LAX1: variants seen among roughly 807,000 people sequenced by gnomAD.
LAX1 encodes lymphocyte transmembrane adaptor 1.
LAX1 carries 17 observed loss-of-function variants against 20.7 expected under a neutral mutation model. The observed-to-expected ratio is 0.82, with a 90% CI of 0.56 to 1.23. LAX1 has a LOEUF of 1.23. Among genes scored for constraint, LAX1 ranks in the 50% most tolerant of loss-of-function variants. The pLI, the probability that LAX1 is intolerant of heterozygous loss-of-function variation, is 0.00. For missense variants in LAX1, 470 were observed against 487.0 expected, an observed-to-expected ratio of 0.97 and a Z score of 0.33; for synonymous variants, 165 against 181.0, an observed-to-expected ratio of 0.91 and a Z score of 0.71.
At chr1:203,767,543 G>A (rs1012609637) in intron 1 of LAX1, among the ~76,000 whole-genome samples, 1 of 151,330 alleles carries the variant, frequency 6.6e-6, no homozygotes, top group Non-Finnish European at 1.5e-5. Context: ...CCTTACCTCA[G>A]GTGATCCGCC....
At position 203,774,263 on chromosome 1, in the gene LAX1, GTTC is replaced by G; in HGVS notation, c.784_786del (p.Ser262del). 6.2e-7 allele frequency: 1 copy of G among 1,614,208 alleles called. No individual in the cohort carries two copies. The highest frequency in any genetic ancestry group is 8.5e-7 in the Non-Finnish European group (1 of 1,180,044). On this transcript the variant is annotated inframe_deletion, in exon 5 of 5. Coordinates refer to ENST00000442561, the MANE Select transcript of LAX1 (RefSeq NM_017773.4). ...AGTGATTCACTCAGCAATGGAGAAG[GTTC>G]TTCTCAGATCTCAAATGACTATGTC...
In LAX1 at chr1:203,765,547, C is replaced by A; in HGVS notation, c.-19C>A. The A allele has an allele frequency of 6.2e-7, 1 of 1,614,094 alleles. No homozygotes were observed. The highest frequency in any genetic ancestry group is 8.5e-7 in the Non-Finnish European group (1 of 1,180,012). On this transcript the variant is annotated 5_prime_UTR_variant, in exon 1 of 5. Transcript: ENST00000442561. ...CTTAGAAGCTGAAGCCAGAGAGCAT[C>A]TCAAAGGTTCCTGATACAATGGATG...
intron 1 of LAX1, among the ~76,000 whole-genome samples, chr1:203,770,506 G>A (rs866269991): frequency 0.28 from 6,342 of 22,806 alleles, 1,093 homozygotes; most frequent in East Asian, 0.75. Flanking sequence ...AGGAAGGAAG[G>A]AAGGAAGAAA....
chr1:203,769,051 T>C (rs1335580029), intron 1 of LAX1, among the ~76,000 whole-genome samples: 5 of 152,102 alleles, frequency 3.3e-5, no homozygotes, highest in Non-Finnish European at 5.9e-5. Flanking sequence ...AGCTCTGTTT[T>C]GGTTTGAGCT....
rs57094739 is a variant in LAX1, at chr1:203,775,399, A to AC, written c.*718_*719insC. 0.44 allele frequency: 67,294 copies of AC among 151,760 alleles called. 15,552 individuals are homozygous for AC. Among genetic ancestry groups the AC allele is most frequent in the East Asian group, 0.86 (4,440 of 5,154 alleles). 9.4% of individuals were successfully genotyped at this position (151,760 alleles called of 1,614,324 possible). A position where few individuals can be genotyped will look rare whatever the true frequency, so the allele number is the denominator to read the frequency against. ...CAGAGCGAGACTCCCTCTCAAAAAA[A>AC]AAAACAAACAAAAAAGAAGTGTGGG... On this transcript the variant is annotated 3_prime_UTR_variant, in exon 5 of 5. Coordinates refer to ENST00000442561, the MANE Select transcript of LAX1 (RefSeq NM_017773.4).
rs1426621008 is a variant in LAX1 at position 203,769,778 on chromosome 1, G to GGT, written c.90-1049_90-1048insTG. On this transcript the variant is annotated intron_variant, in intron 1 of 4. Coordinates refer to ENST00000442561, the MANE Select transcript of LAX1 (RefSeq NM_017773.4). Reference sequence around the variant, plus strand: ...ACCAGCTCCACAAATTGGTGCGGGGGGGGGGGCGGCGGGGGGTGGGGGGTG... The same window carrying GGT: ...ACCAGCTCCACAAATTGGTGCGGGGGGTGGGGGGCGGCGGGGGGTGGGGGGTG... 7 of 144,658 alleles carry GGT rather than the reference G, an allele frequency of 4.8e-5. 1 individual carries two copies. The highest frequency in any genetic ancestry group is 1.0e-4 in the Non-Finnish European group (7 of 67,548). 9.0% of individuals were successfully genotyped at this position (144,658 alleles called of 1,614,324 possible). A position where few individuals can be genotyped will look rare whatever the true frequency, so the allele number is the denominator to read the frequency against.
At position 203,770,816 on chromosome 1, in the gene LAX1, T is replaced by C. The variant is rs1667409053; in HGVS notation, c.90-12T>C. 1 of 1,603,822 alleles carries C rather than the reference T, an allele frequency of 6.2e-7. No individual in the cohort carries two copies. The highest frequency in any genetic ancestry group is 1.1e-5 in the South Asian group (1 of 90,864). On this transcript the variant is annotated splice_polypyrimidine_tract_variant and intron_variant, in intron 1 of 4. Transcript: ENST00000442561. ...CCTACAGCTAGCACATGTCATTCGA[T>C]TGTTTTTCTAGAAATAAAGACCAGA...
At chr1:203,769,379 G>A (rs951254191) in intron 1 of LAX1, among the ~76,000 whole-genome samples, 2 of 138,506 alleles carry the variant, frequency 1.4e-5, no homozygotes, top group African/African-American at 2.8e-5. Context: ...GCGACACAGC[G>A]AGACTCTGTC....
At position 203,765,585 on chromosome 1, in the gene LAX1, C is replaced by A. The variant is rs1307162342; in HGVS notation, c.20C>A (p.Thr7Asn). ...GATACAATGGATGGTGTCACTCCAA[C>A]CCTTTCGACAATCAGAGGGAGGACC... The part of the protein sequence containing the change: MDGVTP[T>N]LSTIRGRTLE... Residue 7 changes from threonine to asparagine, a missense_variant, in exon 1 of 5, where the codon ACC becomes AAC. Physicochemically the swap from Thr to Asn is moderately conservative, Grantham distance 65. Transcript: ENST00000442561. 6.2e-7 allele frequency: 1 copy of A among 1,614,202 alleles called. No homozygotes were observed. Among genetic ancestry groups the A allele is most frequent in the Admixed American group, 1.7e-5 (1 of 60,022 alleles).
At chr1:203,773,460 C>T (rs1364210630) in intron 4 of LAX1, among the ~76,000 whole-genome samples, 5 of 151,864 alleles carry the variant, frequency 3.3e-5, no homozygotes, top group African/African-American at 4.8e-5. Context: ...TTCTCAAAAA[C>T]AAAAATAAAA....
intron 1 of LAX1, 103 bp downstream of exon 1, chr1:203,765,757 C>A: frequency 1.9e-6 from 2 of 1,068,048 alleles, no homozygotes; most frequent in Non-Finnish European, 2.8e-6. Flanking sequence ...CACCTCTCAA[C>A]ACCCAGGCTC....
chr1:203,769,433 G>GA (rs748060977), intron 1 of LAX1, among the ~76,000 whole-genome samples: 1 of 100,178 alleles, frequency 1.0e-5, no homozygotes, highest in South Asian at 3.4e-4. Context: ...AAGAAAGAAA[G>GA]AAAGAAAGAA....
At chr1:203,765,679 C>T in intron 1 of LAX1, 25 bp downstream of exon 1, 4 of 1,610,930 alleles carry the variant, frequency 2.5e-6, no homozygotes, top group Non-Finnish European at 3.4e-6. Flanking sequence ...GTGGTGAGCT[C>T]CACCCTGCCC....
rs1393459531 is a variant in LAX1, at chr1:203,765,537, C to T, written c.-29C>T. The T allele has an allele frequency of 6.2e-7, 1 of 1,613,908 alleles. No homozygotes were observed. Among genetic ancestry groups the T allele is most frequent in the South Asian group, 1.1e-5 (1 of 90,976 alleles). On this transcript the variant is annotated 5_prime_UTR_variant, in exon 1 of 5. Coordinates refer to ENST00000442561, the MANE Select transcript of LAX1 (RefSeq NM_017773.4). ...TTAAGAGAAACTTAGAAGCTGAAGC[C>T]AGAGAGCATCTCAAAGGTTCCTGAT...
intron 4 of LAX1, among the ~76,000 whole-genome samples, 194 bp from the exon 5 acceptor site, chr1:203,773,681 C>T (rs979779949): frequency 2.0e-5 from 3 of 151,340 alleles, no homozygotes; most frequent in East Asian, 1.9e-4. Context: ...CCACCCGCAC[C>T]CCCCCACCAA....
chr1:203,769,444 G>GAAAGAAAGAAAGAAAGAAAGGAA (rs1553254225), intron 1 of LAX1, among the ~76,000 whole-genome samples: 3 of 133,506 alleles, frequency 2.2e-5, no homozygotes, highest in Non-Finnish European at 3.1e-5. Context: ...AAAGAAAGAA[G>GAAAGAAAGAAAGAAAGAAAGGAA]GAAAGAAAGA....
chr1:203,773,930 A>C lies in LAX1; in HGVS notation c.446A>C (p.Glu149Ala). 6.2e-7 allele frequency: 1 copy of C among 1,613,804 alleles called. No homozygotes were observed. Among genetic ancestry groups the C allele is most frequent in the Non-Finnish European group, 8.5e-7 (1 of 1,179,936 alleles). ...CATACAGCCCACATCCATGCCACAG[A>C]GTACGCGGTGGGTATCTATGACAAC... ...QEHTAHIHAT[E>A]YAVGIYDNAM... Residue 149 changes from glutamate to alanine, a missense_variant, in exon 5 of 5, where the codon GAG becomes GCG. Physicochemically the swap from Glu to Ala is moderately radical, Grantham distance 107 (BLOSUM62 -1). Transcript: ENST00000442561.
chr1:203,774,477 T>G lies in LAX1; in HGVS notation c.993T>G (p.His331Gln). The change falls in exon 5 of 5, where the codon CAT (histidine) becomes CAG (glutamine). Residue 331 changes from histidine to glutamine, a missense_variant. Transcript: ENST00000442561. ...VEDKTDDPGTHVQCVKRTFLA... is the reference protein window; with the variant it reads ...VEDKTDDPGTQVQCVKRTFLA... ...ACAAGACAGATGATCCCGGGACCCA[T>G]GTCCAATGTGTCAAAAGGACATTCC... 6.2e-7 allele frequency: 1 copy of G among 1,614,226 alleles called. No individual in the cohort carries two copies. The highest frequency in any genetic ancestry group is 1.3e-5 in the African/African-American group (1 of 75,066).
Position 203,774,394 on chromosome 1 carries a change from G to T in LAX1, c.910G>T (p.Gly304Ter). Residue 304 changes from glycine (G) to a stop codon, truncating the protein, a stop_gained, in exon 5 of 5, where the codon GGA becomes TGA. Coordinates refer to ENST00000442561, the MANE Select transcript of LAX1 (RefSeq NM_017773.4). LOFTEE classifies it low-confidence loss of function (END_TRUNC). ...YENVPAADPS[G>*]SQQQAEKDVP... The stretch of plus-strand genomic sequence containing the variant: ...AAATGTTCCAGCAGCAGATCCCAGT[G>T]GAAGCCAGCAGCAGGCTGAGAAAGA... The T allele has an allele frequency of 6.2e-7, 1 of 1,614,216 alleles. No individual in the cohort carries two copies. Among genetic ancestry groups the T allele is most frequent in the Non-Finnish European group, 8.5e-7 (1 of 1,180,038 alleles).
Sources: gnomAD v4.1 joint callset for allele counts (sites outside exome capture counted in the v4.1 genomes callset) on GRCh38, gnomAD v4.1.1 for gene constraint, MANE v1.5 for transcripts, NCBI Gene and HGNC (gene_info 2026-07-23, HGNC 2026-07-21) for gene names.